The following UNC5D variants were observed in gnomAD, a reference collection of about 807,000 sequenced individuals.
UNC5D encodes unc-5 netrin receptor D.
In UNC5D, 39 loss-of-function variants were observed where a neutral mutation model predicts 105.4. The observed-to-expected ratio is 0.37, with a 90% CI of 0.29 to 0.48. UNC5D has a LOEUF of 0.48. UNC5D is among the 20% of genes least tolerant of loss of function. The probability of loss-of-function intolerance (pLI) is 0.98; values close to 1 mark genes in which losing one functional copy is unlikely to be tolerated. For synonymous variants in UNC5D, 452 were observed against 450.4 expected, an observed-to-expected ratio of 1.00 and a Z score of -0.04; for missense variants, 991 against 1,202.4, an observed-to-expected ratio of 0.82 and a Z score of 2.60.
chr8:35,770,941 G>C (rs1801985831), intron 15 of UNC5D, among the ~76,000 whole-genome samples: 1 of 152,100 alleles, frequency 6.6e-6, no homozygotes. Context: ...AAGATCTACT[G>C]TTCCTCTGCA....
At chr8:35,661,645 G>C (rs1586363009) in intron 4 of UNC5D, among the ~76,000 whole-genome samples, 1 of 152,250 alleles carries the variant, frequency 6.6e-6, no homozygotes, top group Non-Finnish European at 1.5e-5. Flanking sequence ...GAAAGATGAA[G>C]AGTCCTGGGC....
At chr8:35,488,622 AGGAGGGTGATCC>A (rs1366530935) in intron 1 of UNC5D, among the ~76,000 whole-genome samples, 2 of 152,220 alleles carry the variant, frequency 1.3e-5, no homozygotes, top group Non-Finnish European at 2.9e-5. Context: ...CATTAAACCA[AGGAGGGTGATCC>A]TTAACATTGA....
At chr8:35,421,993 C>T (rs528112589) in intron 1 of UNC5D, among the ~76,000 whole-genome samples, 1 of 152,254 alleles carries the variant, frequency 6.6e-6, no homozygotes, top group African/African-American at 2.4e-5. Flanking sequence ...TTGTTCATGT[C>T]CATTAAGAGA....
At chr8:35,335,378 T>C (rs1218215929) in intron 1 of UNC5D, among the ~76,000 whole-genome samples, 1 of 152,170 alleles carries the variant, frequency 6.6e-6, no homozygotes, top group Admixed American at 6.5e-5. Flanking sequence ...GCTTATGACA[T>C]TGTATTAGTC....
Position 35,649,914 on chromosome 8 carries a change from CCTGGAA to C in UNC5D, c.571-33631_571-33626del, listed in dbSNP as rs1823296341. 2.0e-5 allele frequency among the ~76,000 whole-genome samples: 3 copies of C among 152,014 alleles called. No individual in the cohort carries two copies. In the South Asian group the frequency reaches 6.2e-4, roughly 32 times the overall value. On this transcript the variant is annotated intron_variant, in intron 4 of 16. Transcript: ENST00000404895. ...TCTACCGTAGTATTCTCGTCTCCAT[CCTGGAA>C]CAGAAAAAAGACATTGGTGTTACAA...
At chr8:35,782,711 G>T (rs766468465) in intron 16 of UNC5D, among the ~76,000 whole-genome samples, 1 of 152,072 alleles carries the variant, frequency 6.6e-6, no homozygotes, top group South Asian at 2.1e-4. Flanking sequence ...CACCATGTTG[G>T]CCAGGCTAGT....
At position 35,556,869 on chromosome 8, in the gene UNC5D, C is replaced by A. The variant is rs565521354; in HGVS notation, c.322+7359C>A. On this transcript the variant is annotated intron_variant, in intron 2 of 16. Transcript: ENST00000404895. ...TTGTGGGAACACAGCCCTGCAAGTT[C>A]CAGCCTCATTTTCCTAGCCCTCACT... Among the ~76,000 whole-genome samples, 17 of 152,296 alleles carry A rather than the reference C, an allele frequency of 1.1e-4. No homozygotes were observed. In the South Asian group the frequency reaches 3.1e-3, roughly 28 times the overall value.
chr8:35,455,943 A>G (rs1808460345), intron 1 of UNC5D, among the ~76,000 whole-genome samples: 1 of 152,138 alleles, frequency 6.6e-6, no homozygotes. Context: ...TCAAGATGAG[A>G]TTTGGGTAGG....
intron 4 of UNC5D, among the ~76,000 whole-genome samples, chr8:35,635,096 A>T (rs1586302429): frequency 1.3e-5 from 2 of 152,172 alleles, no homozygotes; most frequent in East Asian, 3.9e-4. Context: ...CACAAATTTG[A>T]CACTGACTTC....
intron 1 of UNC5D, among the ~76,000 whole-genome samples, chr8:35,350,836 CTCT>C: frequency 6.6e-6 from 1 of 152,006 alleles, no homozygotes; most frequent in East Asian, 1.9e-4. Context: ...TCTGTGCACT[CTCT>C]TCTTTCATGG....
intron 1 of UNC5D, among the ~76,000 whole-genome samples, chr8:35,429,501 G>T (rs1255613640): frequency 6.6e-6 from 1 of 152,008 alleles, no homozygotes; most frequent in Non-Finnish European, 1.5e-5. Context: ...CAGAGCATAA[G>T]TATACAAACT....
In UNC5D at chr8:35,536,996, T is replaced by C. The variant is rs1366543046; in HGVS notation, c.104-12296T>C. Among the ~76,000 whole-genome samples the C allele has an allele frequency of 3.5e-5, 5 of 142,554 alleles. No individual in the cohort carries two copies. In the East Asian group the frequency reaches 1.1e-3, roughly 32 times the overall value. 93.5% of individuals were successfully genotyped at this position (142,554 alleles called of 152,430 possible). A position where few individuals can be genotyped will look rare whatever the true frequency, so the allele number is the denominator to read the frequency against. ...GGGTGACAGAGCGAGACTCTATCTC[T>C]AAACAAAACAAAACAAACAACAACA... On this transcript the variant is annotated intron_variant, in intron 1 of 16. Transcript: ENST00000404895.
intron 16 of UNC5D, among the ~76,000 whole-genome samples, chr8:35,777,897 A>G (rs993521923): frequency 6.6e-6 from 1 of 152,180 alleles, no homozygotes; most frequent in African/African-American, 2.4e-5. Flanking sequence ...GATGCAGAGA[A>G]CCAGCTTCAC....
chr8:35,673,849 T>G (rs1825008789), intron 4 of UNC5D, among the ~76,000 whole-genome samples: 1 of 152,216 alleles, frequency 6.6e-6, no homozygotes, highest in Non-Finnish European at 1.5e-5. Flanking sequence ...GTCAGTCTTC[T>G]TAAACATTTT....
rs184021752 is a variant in UNC5D at position 35,369,453 on chromosome 8, A to G, written c.103+133566A>G. Among the ~76,000 whole-genome samples, 37 of 152,186 alleles carry G rather than the reference A, an allele frequency of 2.4e-4. No homozygotes were observed. In the East Asian group the frequency reaches 7.1e-3, roughly 29 times the overall value. On this transcript the variant is annotated intron_variant, in intron 1 of 16. Transcript: ENST00000404895. ...TGGAAAACACTAATAGGGAAGATTT[A>G]TGAAGAAAGGTTGGACAAGAGTTCT... is the stretch of plus-strand genomic sequence containing the variant.
chr8:35,305,575 CTTTTTCTTTCTTTCTT>C (rs1281015400), intron 1 of UNC5D, among the ~76,000 whole-genome samples: 2 of 97,414 alleles, frequency 2.1e-5, no homozygotes, highest in South Asian at 3.1e-4. Flanking sequence ...TTCTTTCTTT[CTTTTTCTTTCTTTCTT>C]TCTTTCTTTC....
intron 1 of UNC5D, among the ~76,000 whole-genome samples, chr8:35,482,863 C>T (rs1199330305): frequency 8.1e-5 from 10 of 123,006 alleles, no homozygotes; most frequent in South Asian, 2.6e-4. Flanking sequence ...AGAGTGATAG[C>T]GCGATCTCAG....
In UNC5D at chr8:35,722,488, T is replaced by C; in HGVS notation, c.1303+93T>C. The C allele has an allele frequency of 2.0e-6, 3 of 1,473,880 alleles. No homozygotes were observed. In the Admixed American group the frequency reaches 6.9e-5, roughly 34 times the overall value. 91.3% of individuals were successfully genotyped at this position (1,473,880 alleles called of 1,614,324 possible). On this transcript the variant is annotated intron_variant, in intron 9 of 16. Transcript: ENST00000404895. ...CCTTCTCCTGGGCCCTGTGTGAAGG[T>C]AGCTCTTGGCACTGGGAGCCGCTAC...
chr8:35,380,211 G>A (rs1241346067), intron 1 of UNC5D, among the ~76,000 whole-genome samples: 1 of 150,640 alleles, frequency 6.6e-6, no homozygotes. Context: ...GAGAGAGAGA[G>A]AGAGAGAGAG....
Sources: gnomAD v4.1 joint callset for allele counts (sites outside exome capture counted in the v4.1 genomes callset) on GRCh38, gnomAD v4.1.1 for gene constraint, MANE v1.5 for transcripts, NCBI Gene and HGNC (gene_info 2026-07-23, HGNC 2026-07-21) for gene names.